Variants in BLTP1 observed in about 807,000 individuals in gnomAD.
The protein encoded by BLTP1 is bridge-like lipid transfer protein family member 1, also known as fragile site-associated protein.
the BLTP1 span, among the ~76,000 whole-genome samples, chr4:122,335,829 G>C: frequency 6.6e-6 from 1 of 152,102 alleles, no homozygotes; most frequent in East Asian, 1.9e-4. Context: ...CTAAGCACAG[G>C]AAAGCCTGAA....
At chr4:122,283,571 G>T in the BLTP1 span, among the ~76,000 whole-genome samples, 4 of 152,132 alleles carry the variant, frequency 2.6e-5, no homozygotes, top group Admixed American at 1.3e-4. Flanking sequence ...GAGGGCAGTG[G>T]CATGATCACA....
chr4:122,234,964 A>T, the BLTP1 span: 2 of 1,613,632 alleles, frequency 1.2e-6, no homozygotes, highest in Non-Finnish European at 1.7e-6. Flanking sequence ...TATTATGGAC[A>T]GTCTCTGCTA....
At chr4:122,170,026 G>A in the BLTP1 span, 11 of 982,564 alleles carry the variant, frequency 1.1e-5, no homozygotes, top group Non-Finnish European at 1.3e-5. Context: ...GAATAATCAC[G>A]CTGGGCGCGG....
the BLTP1 span, chr4:122,262,668 T>C: frequency 7.0e-7 from 1 of 1,421,116 alleles, no homozygotes; most frequent in Non-Finnish European, 9.4e-7. Flanking sequence ...GCAAAGTAGC[T>C]AGCAGTTATA....
the BLTP1 span, chr4:122,262,029 T>A: frequency 2.0e-6 from 2 of 984,406 alleles, no homozygotes; most frequent in Non-Finnish European, 2.4e-6. Context: ...GGTAGATGTC[T>A]ATTCTGACTC....
chr4:122,324,495 T>G, the BLTP1 span: 1 of 1,610,948 alleles, frequency 6.2e-7, no homozygotes, highest in African/African-American at 1.3e-5. Flanking sequence ...AAAGCATTTC[T>G]GCTTCTGGAA....
the BLTP1 span, among the ~76,000 whole-genome samples, chr4:122,352,336 A>T: frequency 1.3e-5 from 2 of 150,906 alleles, no homozygotes; most frequent in Non-Finnish European, 2.9e-5. Context: ...CATTACAGAC[A>T]TATTAGGTTT....
the BLTP1 span, among the ~76,000 whole-genome samples, chr4:122,280,959 G>A: frequency 6.6e-6 from 1 of 152,138 alleles, no homozygotes; most frequent in Non-Finnish European, 1.5e-5. Context: ...AGTATCAGTA[G>A]AGTGTAGTAG....
chr4:122,245,067 C>T, the BLTP1 span: 1 of 1,612,282 alleles, frequency 6.2e-7, no homozygotes, highest in Non-Finnish European at 8.5e-7. Flanking sequence ...CATCCAGCTG[C>T]AATTGTAGAT....
At chr4:122,330,920 G>T in the BLTP1 span, 5 of 851,170 alleles carry the variant, frequency 5.9e-6, no homozygotes, top group East Asian at 6.1e-4. Flanking sequence ...TTTTGATGTG[G>T]ATATCCAGTT....
the BLTP1 span, among the ~76,000 whole-genome samples, chr4:122,357,727 C>T: frequency 6.6e-6 from 1 of 151,996 alleles, no homozygotes; most frequent in African/African-American, 2.4e-5. Flanking sequence ...TTTATTGCAC[C>T]GTTATGAATA....
the BLTP1 span, chr4:122,257,131 T>C: frequency 4.3e-5 from 44 of 1,017,572 alleles, no homozygotes; most frequent in Non-Finnish European, 6.3e-5. Flanking sequence ...ACTTAACATC[T>C]AAGTTTTAAT....
chr4:122,333,607 A>C, the BLTP1 span: 2 of 1,558,440 alleles, frequency 1.3e-6, no homozygotes, highest in East Asian at 4.6e-5. Flanking sequence ...TTAAAAAGAT[A>C]AGAACATTTT....
chr4:122,343,977 A>G, the BLTP1 span: 19 of 934,486 alleles, frequency 2.0e-5, no homozygotes, highest in Non-Finnish European at 2.2e-5. Context: ...ACAATTGTTA[A>G]TTTAAAAAGA....
At chr4:122,260,272 T>C in the BLTP1 span, among the ~76,000 whole-genome samples, 1,542 of 152,346 alleles carry the variant, frequency 0.01, 24 homozygotes, top group African/African-American at 0.035. Context: ...ATGGGTTCAC[T>C]GTTGTATACG....
At chr4:122,248,146 GGCTGAAA>G in the BLTP1 span, 1 of 983,676 alleles carries the variant, frequency 1.0e-6, no homozygotes, top group Non-Finnish European at 1.2e-6. Flanking sequence ...CCAGGTGTGA[GGCTGAAA>G]GCATTTGACC....
chr4:122,325,940 A>G, the BLTP1 span: 1 of 798,102 alleles, frequency 1.3e-6, no homozygotes, highest in African/African-American at 1.8e-5. Flanking sequence ...AACAATATAA[A>G]TTTTGCTTTA....
chr4:122,154,910 C>T, the BLTP1 span: 1 of 934,254 alleles, frequency 1.1e-6, no homozygotes, highest in African/African-American at 1.8e-5. Flanking sequence ...AAGTAGTTGA[C>T]TTTTGGTTTG....
At chr4:122,247,636 A>G in the BLTP1 span, 1 of 1,208,778 alleles carries the variant, frequency 8.3e-7, no homozygotes, top group Non-Finnish European at 1.0e-6. Flanking sequence ...TGTTTTTTCC[A>G]TGCTATTTAC....
Sources: gnomAD v4.1 joint callset for allele counts (sites outside exome capture counted in the v4.1 genomes callset) on GRCh38, gnomAD v4.1.1 for gene constraint, MANE v1.5 for transcripts, NCBI Gene and HGNC (gene_info 2026-07-23, HGNC 2026-07-21) for gene names.